The following DTNA variants were observed in gnomAD, a reference collection of about 807,000 sequenced individuals.
DTNA encodes dystrobrevin alpha, also known as dystrophin-related protein 3.
A neutral mutation model predicts 100.7 loss-of-function variants in DTNA; 43 were observed. The observed-to-expected ratio is 0.43, with a 90% CI of 0.33 to 0.55. The LOEUF (loss-of-function observed/expected upper bound fraction) is 0.55, where lower values mean the gene tolerates loss of function less well. DTNA is among the 20% of genes least tolerant of loss of function. DTNA has a pLI of 0.04. For missense variants in DTNA, 798 were observed against 953.9 expected, an observed-to-expected ratio of 0.84 and a Z score of 2.15; for synonymous variants, 349 against 347.9, an observed-to-expected ratio of 1.00 and a Z score of -0.04.
intron 1 of DTNA, among the ~76,000 whole-genome samples, chr18:34,671,346 G>A (rs535064965): frequency 2.2e-4 from 33 of 152,282 alleles, no homozygotes; most frequent in African/African-American, 7.0e-4. Context: ...TGCTTGGCTG[G>A]GAAGGGGAAT....
intron 1 of DTNA, among the ~76,000 whole-genome samples, chr18:34,582,304 G>T (rs2048726595): frequency 6.6e-6 from 1 of 152,182 alleles, no homozygotes; most frequent in Non-Finnish European, 1.5e-5. Context: ...TTTAAGGTGT[G>T]TATACTAGAG....
intron 1 of DTNA, among the ~76,000 whole-genome samples, chr18:34,592,204 A>G (rs1004362910): frequency 3.9e-5 from 6 of 152,042 alleles, no homozygotes; most frequent in Admixed American, 3.9e-4. Context: ...CAAAATTATA[A>G]AGCCTTCATT....
intron 1 of DTNA, among the ~76,000 whole-genome samples, chr18:34,592,059 A>G (rs531708091): frequency 9.2e-5 from 14 of 152,278 alleles, no homozygotes; most frequent in African/African-American, 3.4e-4. Flanking sequence ...AGATGTCCAC[A>G]TAAGTTCCAA....
intron 6 of DTNA, among the ~76,000 whole-genome samples, chr18:34,814,108 A>G (rs367903778): frequency 7.0e-4 from 106 of 152,278 alleles, no homozygotes; most frequent in Middle Eastern, 6.8e-3. Context: ...CTGGTCTTCT[A>G]ATTCCATCTG....
At chr18:34,660,549 C>T (rs929811059) in intron 1 of DTNA, among the ~76,000 whole-genome samples, 3 of 151,850 alleles carry the variant, frequency 2.0e-5, no homozygotes, top group African/African-American at 4.8e-5. Context: ...AATCCCCTTC[C>T]CTTTCCAGGT....
At chr18:34,653,598 G>A (rs1320515907) in intron 1 of DTNA, among the ~76,000 whole-genome samples, 3 of 152,132 alleles carry the variant, frequency 2.0e-5, no homozygotes, top group Admixed American at 6.5e-5. Context: ...TGAGGTGGGC[G>A]GATCACTTGA....
chr18:34,621,875 A>G (rs12955210), intron 1 of DTNA, among the ~76,000 whole-genome samples: 10,202 of 152,246 alleles, frequency 0.067, 422 homozygotes, highest in African/African-American at 0.079. Context: ...GCCAAATTTA[A>G]CTATTCCACA....
At chr18:34,661,830 G>A (rs1345533410) in intron 1 of DTNA, among the ~76,000 whole-genome samples, 2 of 152,070 alleles carry the variant, frequency 1.3e-5, no homozygotes, top group Non-Finnish European at 2.9e-5. Context: ...CAAAAATGTG[G>A]CAGCTTTCAA....
intron 1 of DTNA, among the ~76,000 whole-genome samples, chr18:34,640,829 A>G (rs2059191847): frequency 6.6e-6 from 1 of 152,198 alleles, no homozygotes; most frequent in Non-Finnish European, 1.5e-5. Flanking sequence ...TTAAAAGTTT[A>G]TTCTAAAAGC....
At chr18:34,773,985 A>C (rs1350880196) in intron 3 of DTNA, among the ~76,000 whole-genome samples, 2 of 152,226 alleles carry the variant, frequency 1.3e-5, no homozygotes, top group Admixed American at 1.3e-4. Flanking sequence ...GAGCTAAGCC[A>C]CACCTGTAGT....
chr18:34,803,654 G>A lies in DTNA; in HGVS notation c.363-2565G>A, dbSNP rs9954158. 8.5e-5 allele frequency among the ~76,000 whole-genome samples: 13 copies of A among 152,114 alleles called. 1 individual carries two copies. The South Asian group carries it at 2.3e-3, about 27-fold the overall frequency. On this transcript the variant is annotated intron_variant, in intron 4 of 22. Coordinates refer to ENST00000444659, the MANE Select transcript of DTNA (RefSeq NM_001386795.1). ...TCCATACCTTGTAGACTTTACTGTTGTCATTATTTGAACCATGTTACAGTT... is the reference window on the plus strand; with the variant it reads ...TCCATACCTTGTAGACTTTACTGTTATCATTATTTGAACCATGTTACAGTT...
chr18:34,831,405 T>TA (rs2096005813), intron 11 of DTNA, among the ~76,000 whole-genome samples: 1 of 152,222 alleles, frequency 6.6e-6, no homozygotes, highest in South Asian at 2.1e-4. Context: ...ACAATTCATA[T>TA]AGCATGTTGA....
At chr18:34,712,250 C>T (rs960990463) in intron 1 of DTNA, among the ~76,000 whole-genome samples, 1 of 151,886 alleles carries the variant, frequency 6.6e-6, no homozygotes, top group Non-Finnish European at 1.5e-5. Context: ...TTTTCTTTCC[C>T]GCCGGTACTG....
At position 34,890,031 on chromosome 18, in the gene DTNA, TG is replaced by T. The variant is rs1835217064; in HGVS notation, c.*2298del. The T allele has an allele frequency of 5.5e-6, 7 of 1,278,814 alleles. No individual in the cohort carries two copies. Among genetic ancestry groups the T allele is most frequent in the Non-Finnish European group, 6.9e-6 (7 of 1,010,816 alleles). 79.2% of individuals were successfully genotyped at this position (1,278,814 alleles called of 1,614,324 possible). Reference sequence around the variant, plus strand: ...CTCAAAATCATAGCCAGGTAGTTCTTGAACTCAGAACTTAAATCCTGCACGT... The same window carrying T: ...CTCAAAATCATAGCCAGGTAGTTCTTAACTCAGAACTTAAATCCTGCACGT... On this transcript the variant is annotated 3_prime_UTR_variant, in exon 23 of 23. Transcript: ENST00000444659.
intron 1 of DTNA, among the ~76,000 whole-genome samples, chr18:34,561,010 A>C: frequency 6.6e-6 from 1 of 152,218 alleles, no homozygotes; most frequent in Non-Finnish European, 1.5e-5. Flanking sequence ...TTGGTTTAAC[A>C]TATTAAGTTC....
intron 1 of DTNA, among the ~76,000 whole-genome samples, chr18:34,499,084 G>A (rs2039608246): frequency 1.3e-5 from 2 of 152,162 alleles, no homozygotes; most frequent in South Asian, 4.1e-4. Context: ...TCCAGCACCA[G>A]AAGGATAATT....
At chr18:34,854,020 C>T (rs1269095142) in intron 15 of DTNA, among the ~76,000 whole-genome samples, 1 of 152,050 alleles carries the variant, frequency 6.6e-6, no homozygotes, top group Non-Finnish European at 1.5e-5. Flanking sequence ...GACAGGCAGG[C>T]ATTGGAGAAA....
chr18:34,853,870 G>T (rs779677395), intron 15 of DTNA, among the ~76,000 whole-genome samples: 2 of 152,046 alleles, frequency 1.3e-5, no homozygotes, highest in Non-Finnish European at 2.9e-5. Context: ...TATCTACTAC[G>T]TGCAAGTAAT....
At chr18:34,523,598 G>C (rs987066844) in intron 1 of DTNA, among the ~76,000 whole-genome samples, 5 of 151,990 alleles carry the variant, frequency 3.3e-5, no homozygotes, top group African/African-American at 1.2e-4. Flanking sequence ...ATTTCACCTT[G>C]CACTTCCCAC....
Sources: allele counts gnomAD v4.1 joint callset (sites outside exome capture counted in the v4.1 genomes callset), GRCh38; gene constraint gnomAD v4.1.1; transcripts MANE v1.5; gene names NCBI Gene and HGNC (gene_info 2026-07-23, HGNC 2026-07-21).